CD109: variants seen among roughly 807,000 people sequenced by gnomAD.
CD109 encodes the protein CD109 molecule.
In CD109, 149 loss-of-function variants were observed where a neutral mutation model predicts 165.8. The ratio of observed to expected loss-of-function variants is 0.90; its 90% CI spans 0.79 to 1.03. The LOEUF (loss-of-function observed/expected upper bound fraction) is 1.03, where lower values mean the gene tolerates loss of function less well. Ranked by LOEUF, CD109 falls within the 50% of genes least tolerant of loss-of-function variation. The probability of loss-of-function intolerance (pLI) is 0.00; values close to 1 mark genes in which losing one functional copy is unlikely to be tolerated. For synonymous variants in CD109, 585 were observed against 592.1 expected (o/e 0.99, Z 0.18); for missense variants, 1,712 against 1,677.8 (o/e 1.02, Z -0.36).
At chr6:73,706,445 G>A (rs544878156) in intron 2 of CD109, among the ~76,000 whole-genome samples, 1 of 152,318 alleles carries the variant, frequency 6.6e-6, no homozygotes, top group Non-Finnish European at 1.5e-5. Context: ...AAGCTCGAGA[G>A]GACTGGGTGG....
chr6:73,783,148 C>T (rs1253611938), intron 18 of CD109, among the ~76,000 whole-genome samples: 1 of 152,186 alleles, frequency 6.6e-6, no homozygotes, highest in African/African-American at 2.4e-5. Flanking sequence ...CCTCACAAAG[C>T]ATTCCCAGGA....
chr6:73,780,495 T>C lies in CD109; in HGVS notation c.1899T>C (p.Phe633=). ...LGMFMNSFAV[F]QECGLWVLTD... Reference sequence around the variant, plus strand: ...TGTTCATGAATTCTTTTGCAGTCTTTCAGGTATGTTTTGCTTGCTATATTG... The same window carrying C: ...TGTTCATGAATTCTTTTGCAGTCTTCCAGGTATGTTTTGCTTGCTATATTG... The change falls in exon 16 of 33, where the codon TTT becomes TTC. Residue 633 remains phenylalanine (F), a synonymous_variant. Transcript: ENST00000287097. The C allele has an allele frequency of 1.3e-6, 2 of 1,599,818 alleles. No individual in the cohort carries two copies. The highest frequency in any genetic ancestry group is 1.7e-6 in the Non-Finnish European group (2 of 1,167,694).
At chr6:73,815,244 A>G (rs767596178) in intron 30 of CD109, 121 bp downstream of exon 30, 85 of 685,400 alleles carry the variant, frequency 1.2e-4, no homozygotes, top group Non-Finnish European at 1.8e-4. Flanking sequence ...TCAGTTATGC[A>G]CTACACTTCA....
rs753754797 is a variant in CD109, at chr6:73,771,078, G to T, written c.1675-351G>T. Among the ~76,000 whole-genome samples the T allele has an allele frequency of 2.0e-5, 3 of 152,024 alleles. No individual in the cohort carries two copies. The East Asian group carries it at 5.8e-4, about 29-fold the overall frequency. The stretch of plus-strand genomic sequence containing the variant: ...GCATCTGCAGTTTCTTTCCTCTTTC[G>T]TGTTTCTCCTTTGTATACTGGCCTT... On this transcript the variant is annotated intron_variant, in intron 14 of 32. Coordinates refer to ENST00000287097, the MANE Select transcript of CD109 (RefSeq NM_133493.5).
At chr6:73,789,381 C>T (rs935217410) in intron 22 of CD109, among the ~76,000 whole-genome samples, 1 of 152,014 alleles carries the variant, frequency 6.6e-6, no homozygotes, top group African/African-American at 2.4e-5. Flanking sequence ...CTAAATCAAG[C>T]TGGTTGACGT....
rs1210296884 is a variant in CD109, at chr6:73,827,747, T to C, written c.*4114T>C. 1 of 152,228 alleles carries C rather than the reference T, an allele frequency of 6.6e-6. No homozygotes were observed. Among genetic ancestry groups the C allele is most frequent in the Non-Finnish European group, 1.5e-5 (1 of 68,030 alleles). The allele number at this position is 152,228 out of a possible 1,614,324, so 9.4% of individuals were successfully genotyped here. A position where few individuals can be genotyped will look rare whatever the true frequency, so the allele number is the denominator to read the frequency against. ...TGTCATTTTCATTTCAGTTGTAACA[T>C]AGGAAAATAGATATTTCCTAGATGA... On this transcript the variant is annotated 3_prime_UTR_variant, in exon 33 of 33. Coordinates refer to ENST00000287097, the MANE Select transcript of CD109 (RefSeq NM_133493.5).
chr6:73,728,782 T>A (rs546838817), intron 3 of CD109, among the ~76,000 whole-genome samples: 3 of 152,374 alleles, frequency 2.0e-5, no homozygotes, highest in East Asian at 3.9e-4. Flanking sequence ...CAGGATATAG[T>A]TTCGGGACCT....
intron 23 of CD109, among the ~76,000 whole-genome samples, chr6:73,799,635 A>G (rs1348823862): frequency 1.3e-5 from 2 of 152,062 alleles, no homozygotes; most frequent in Non-Finnish European, 2.9e-5. Flanking sequence ...CTTTTAAATG[A>G]CCAGATCTTA....
chr6:73,710,932 T>A (rs9446992), intron 2 of CD109, among the ~76,000 whole-genome samples: 18,139 of 152,248 alleles, frequency 0.12, 1,232 homozygotes, highest in African/African-American at 0.19. Context: ...CAGCAGAACT[T>A]TATTTATGGA....
In CD109 at chr6:73,823,529, G is replaced by A; in HGVS notation, c.4234G>A (p.Gly1412Ser). The change falls in exon 33 of 33, where the codon GGC becomes AGC. Residue 1412 changes from glycine to serine, a missense_variant. By Grantham distance (56) the Gly-to-Ser change is moderately conservative. Transcript: ENST00000287097. ...CTGTGACCTTTGCAGTGATGTCCAG[G>A]GCTGCCGTCCTTGTGAGGATGGAGC... Reference protein sequence around the residue: ...SSCDLCSDVQGCRPCEDGASG... With the variant: ...SSCDLCSDVQSCRPCEDGASG... 6.2e-7 allele frequency: 1 copy of A among 1,613,988 alleles called. No homozygotes were observed. The highest frequency in any genetic ancestry group is 8.5e-7 in the Non-Finnish European group (1 of 1,179,956).
chr6:73,808,317 T>G, intron 26 of CD109, 69 bp downstream of exon 26: 1 of 1,492,740 alleles, frequency 6.7e-7, no homozygotes, highest in Non-Finnish European at 9.0e-7. Flanking sequence ...GAAAAATTTT[T>G]AGCCAGGTTT....
chr6:73,685,164 A>AGT, the CD109 span, among the ~76,000 whole-genome samples: 3 of 151,892 alleles, frequency 2.0e-5, no homozygotes, highest in Non-Finnish European at 4.4e-5. Flanking sequence ...AGCCTCCCAA[A>AGT]GTGCTGGGAT....
intron 23 of CD109, among the ~76,000 whole-genome samples, chr6:73,800,191 A>C (rs1347174923): frequency 6.6e-6 from 1 of 152,138 alleles, no homozygotes; most frequent in Non-Finnish European, 1.5e-5. Context: ...AGAAGATAGT[A>C]TATCTATATG....
In CD109 at chr6:73,814,969, T is replaced by C; in HGVS notation, c.3769-12T>C. On this transcript the variant is annotated splice_polypyrimidine_tract_variant and intron_variant, in intron 29 of 32. Transcript: ENST00000287097. ...GTCCAACTTGTTATTTATGCTAGTT[T>C]ATTTTTTACAGCTCAATGTTGTATA... 2 of 1,471,424 alleles carry C rather than the reference T, an allele frequency of 1.4e-6. No individual in the cohort carries two copies. Among genetic ancestry groups the C allele is most frequent in the Non-Finnish European group, 1.8e-6 (2 of 1,117,896 alleles). 91.1% of individuals were successfully genotyped at this position (1,471,424 alleles called of 1,614,324 possible).
the CD109 span, among the ~76,000 whole-genome samples, chr6:73,680,174 G>A: frequency 6.6e-6 from 1 of 152,026 alleles, no homozygotes; most frequent in African/African-American, 2.4e-5. Flanking sequence ...TTTCTACAAT[G>A]TCTATTTCCT....
chr6:73,714,964 T>C (rs949099892), intron 2 of CD109, among the ~76,000 whole-genome samples: 1 of 152,134 alleles, frequency 6.6e-6, no homozygotes, highest in Non-Finnish European at 1.5e-5. Flanking sequence ...ATGAAAACAA[T>C]GGTGAGGCAC....
At chr6:73,748,018 T>C (rs943889056) in intron 5 of CD109, among the ~76,000 whole-genome samples, 7 of 152,098 alleles carry the variant, frequency 4.6e-5, no homozygotes, top group African/African-American at 1.7e-4. Flanking sequence ...TACAGGCGTG[T>C]GCCACCATGC....
At chr6:73,767,046 A>T in intron 13 of CD109, 36 bp downstream of exon 13, 2 of 1,550,482 alleles carry the variant, frequency 1.3e-6, no homozygotes, top group Non-Finnish European at 1.8e-6. Flanking sequence ...ATGATCTATT[A>T]TAGAATCATC....
Position 73,742,954 on chromosome 6 carries a change from G to A in CD109, c.633+6446G>A, listed in dbSNP as rs145494104. ...TTTTGAGAAGTGCTCATAAATGCCCGCAGCTAGGCATCTTTAGAATCCATC... is the reference window on the plus strand; with the variant it reads ...TTTTGAGAAGTGCTCATAAATGCCCACAGCTAGGCATCTTTAGAATCCATC... On this transcript the variant is annotated intron_variant, in intron 5 of 32. Transcript: ENST00000287097. Among the ~76,000 whole-genome samples, 6 of 152,274 alleles carry A rather than the reference G, an allele frequency of 3.9e-5. 1 individual carries two copies. In the South Asian group the frequency reaches 6.2e-4, roughly 16 times the overall value.
Sources: allele counts gnomAD v4.1 joint callset (sites outside exome capture counted in the v4.1 genomes callset), GRCh38; gene constraint gnomAD v4.1.1; transcripts MANE v1.5; gene names NCBI Gene and HGNC (gene_info 2026-07-23, HGNC 2026-07-21).